Variants in SOX13 observed in about 807,000 individuals in gnomAD.
SOX13 encodes the protein transcription factor SOX-13.
Under a neutral mutation model 71.8 loss-of-function variants are expected in SOX13, and 28 were observed. That is an observed-to-expected ratio of 0.39 (90% CI 0.29 to 0.53). SOX13 has a LOEUF of 0.53. Ranked by LOEUF, SOX13 falls within the 20% of genes least tolerant of loss-of-function variation. The probability of loss-of-function intolerance (pLI) is 0.70; values close to 1 mark genes in which losing one functional copy is unlikely to be tolerated. For missense variants in SOX13, 627 were observed against 810.3 expected (o/e 0.77, Z 2.75); for synonymous variants, 309 against 317.8 (o/e 0.97, Z 0.29).
At chr1:204,098,665 C>A (rs774491863) in intron 1 of SOX13, among the ~76,000 whole-genome samples, 1 of 152,102 alleles carries the variant, frequency 6.6e-6, no homozygotes. Context: ...GGAATGAATG[C>A]GAAGCTAACA....
chr1:204,082,670 T>C lies in SOX13; in HGVS notation c.-2+8959T>C, dbSNP rs1269826453. On this transcript the variant is annotated intron_variant, in intron 1 of 13. Coordinates refer to ENST00000367204, the MANE Select transcript of SOX13 (RefSeq NM_005686.3). ...AAGACCCAATGGTGGGCTCCCTAAC[T>C]GGGGCTTGTGGGGCAGGGAGAGGAG... 2.0e-5 allele frequency among the ~76,000 whole-genome samples: 3 copies of C among 152,094 alleles called. No individual in the cohort carries two copies. The East Asian group carries it at 5.8e-4, about 29-fold the overall frequency.
Position 204,126,425 on chromosome 1 carries a change from G to A in SOX13, c.*291G>A. On this transcript the variant is annotated 3_prime_UTR_variant, in exon 14 of 14. Coordinates refer to ENST00000367204, the MANE Select transcript of SOX13 (RefSeq NM_005686.3). ...GGACACTGTATGACTCTCCTCTCCT[G>A]CAGGTGTCTATCCACCTGGGGTATG... 1 of 439,004 alleles carries A rather than the reference G, an allele frequency of 2.3e-6. No individual in the cohort carries two copies. The highest frequency in any genetic ancestry group is 4.0e-5 in the East Asian group (1 of 25,086). 27.2% of individuals were successfully genotyped at this position (439,004 alleles called of 1,614,324 possible).
chr1:204,085,851 G>C (rs1044228446), intron 1 of SOX13, among the ~76,000 whole-genome samples: 7 of 151,730 alleles, frequency 4.6e-5, no homozygotes, highest in Non-Finnish European at 1.0e-4. Flanking sequence ...GTGGTGCCGG[G>C]GGCCTGTAGT....
rs1656837731 is a variant in SOX13, at chr1:204,122,847, C to G, written c.1025-7C>G. On this transcript the variant is annotated splice_polypyrimidine_tract_variant and splice_region_variant and intron_variant, in intron 9 of 13. Coordinates refer to ENST00000367204, the MANE Select transcript of SOX13 (RefSeq NM_005686.3). ...TTCTCTTCCCTCTCTTCTGCCCTCT[C>G]CCACAGGCTTCCTTGGTGAAGGGGA... The G allele has an allele frequency of 3.3e-6, 5 of 1,536,770 alleles. No individual in the cohort carries two copies. The African/African-American group carries it at 6.9e-5, about 21-fold the overall frequency.
intron 1 of SOX13, among the ~76,000 whole-genome samples, chr1:204,076,010 C>A (rs1220666332): frequency 2.0e-5 from 3 of 152,174 alleles, no homozygotes; most frequent in Admixed American, 2.0e-4. Flanking sequence ...TGATTCCAGC[C>A]CCTCAGATCA....
At chr1:204,078,953 A>T (rs556222186) in intron 1 of SOX13, among the ~76,000 whole-genome samples, 1 of 152,208 alleles carries the variant, frequency 6.6e-6, no homozygotes, top group African/African-American at 2.4e-5. Context: ...GCTGTATGCC[A>T]TGGACCCAGC....
Position 204,127,427 on chromosome 1 carries a change from CAA to C in SOX13, c.*1295_*1296del, listed in dbSNP as rs1268992394. The C allele has an allele frequency of 2.0e-5, 3 of 148,284 alleles. No individual in the cohort carries two copies. The highest frequency in any genetic ancestry group is 7.4e-5 in the African/African-American group (3 of 40,626). The allele number at this position is 148,284 out of a possible 1,614,324, so 9.2% of individuals were successfully genotyped here. A position where few individuals can be genotyped will look rare whatever the true frequency, so the allele number is the denominator to read the frequency against. ...GGATCTCAGCCTCTGATCAGTTTCA[CAA>C]AGTTTGTTCCCTAAGGAAATCAAAT... is the stretch of plus-strand genomic sequence containing the variant. On this transcript the variant is annotated 3_prime_UTR_variant, in exon 14 of 14. Coordinates refer to ENST00000367204, the MANE Select transcript of SOX13 (RefSeq NM_005686.3).
chr1:204,082,860 G>A (rs974412046), intron 1 of SOX13, among the ~76,000 whole-genome samples: 12 of 152,302 alleles, frequency 7.9e-5, no homozygotes, highest in African/African-American at 2.6e-4. Context: ...GACTGCTCTC[G>A]GCCAGAGAAT....
chr1:204,117,644 C>G lies in SOX13; in HGVS notation c.712C>G (p.Pro238Ala). The part of the protein sequence containing the change: ...MIPAFPPSHQ[P>A]LPVTPDSQLA... ...CCCAGCCTTCCCCCCAAGCCACCAA[C>G]CTCTGCCTGTCACCCCTGACTCCCA... Residue 238 changes from proline to alanine, a missense_variant, in exon 7 of 14, where the codon CCT (proline) becomes GCT (alanine). Transcript: ENST00000367204. The G allele has an allele frequency of 6.2e-7, 1 of 1,613,858 alleles. No homozygotes were observed. Among genetic ancestry groups the G allele is most frequent in the Non-Finnish European group, 8.5e-7 (1 of 1,179,848 alleles).
At chr1:204,098,824 G>A (rs1180145415) in intron 1 of SOX13, among the ~76,000 whole-genome samples, 5 of 152,212 alleles carry the variant, frequency 3.3e-5, no homozygotes, top group African/African-American at 1.2e-4. Flanking sequence ...GATACCGTGG[G>A]TAGGACTCTG....
In SOX13 at chr1:204,104,264, C is replaced by T. The variant is rs544278717; in HGVS notation, c.-1-8651C>T. Among the ~76,000 whole-genome samples the T allele has an allele frequency of 2.6e-5, 4 of 152,330 alleles. No homozygotes were observed. The South Asian group carries it at 8.3e-4, about 32-fold the overall frequency. On this transcript the variant is annotated intron_variant, in intron 1 of 13. Coordinates refer to ENST00000367204, the MANE Select transcript of SOX13 (RefSeq NM_005686.3). ...GCCGAGGGAGTGTTGGCTGTGGCCC[C>T]CCTGAGCTGGGCTAGACCAGACCGG...
Position 204,125,986 on chromosome 1 carries a change from T to C in SOX13, c.1721T>C (p.Ile574Thr). 6.2e-7 allele frequency: 1 copy of C among 1,613,926 alleles called. No individual in the cohort carries two copies. Among genetic ancestry groups the C allele is most frequent in the African/African-American group, 1.3e-5 (1 of 75,060 alleles). Residue 574 changes from isoleucine (I) to threonine (T), a missense_variant, in exon 14 of 14, where the codon ATC (isoleucine) becomes ACC (threonine). Around this residue, in one of 3 missense-constraint regions of SOX13, gnomAD observed 148 missense variants for 192.7 expected, o/e 0.77. Coordinates refer to ENST00000367204, the MANE Select transcript of SOX13 (RefSeq NM_005686.3). ...AGCCTGGACCCCAACATGCCTGTGATCGTCAACACCTGCAGCCTCAGAGAG... is the reference window on the plus strand; with the variant it reads ...AGCCTGGACCCCAACATGCCTGTGACCGTCAACACCTGCAGCCTCAGAGAG... ...PRSLDPNMPV[I>T]VNTCSLREEG...
At chr1:204,112,501 G>GCACACACACACACACACA (rs6143576) in intron 1 of SOX13, among the ~76,000 whole-genome samples, 24 of 57,918 alleles carry the variant, frequency 4.1e-4, no homozygotes, top group African/African-American at 8.7e-4. Flanking sequence ...ACACATGCGT[G>GCACACACACACACACACA]CACACACACA....
At chr1:204,087,694 G>A (rs1656053628) in intron 1 of SOX13, among the ~76,000 whole-genome samples, 1 of 152,238 alleles carries the variant, frequency 6.6e-6, no homozygotes, top group African/African-American at 2.4e-5. Context: ...CTGGTTTGCT[G>A]GAAATAGAGT....
chr1:204,086,304 A>T (rs924698892), intron 1 of SOX13, among the ~76,000 whole-genome samples: 2 of 152,106 alleles, frequency 1.3e-5, no homozygotes, highest in African/African-American at 4.8e-5. Context: ...AACTTTTTAA[A>T]AAATTTTTTT....
intron 8 of SOX13, 37 bp downstream of exon 8, chr1:204,122,022 C>A (rs371253588): frequency 6.9e-7 from 1 of 1,455,020 alleles, no homozygotes; most frequent in Admixed American, 1.7e-5. Flanking sequence ...GGCTCCCTCT[C>A]GAGCTTATGA....
chr1:204,084,549 G>A (rs543275419), intron 1 of SOX13, among the ~76,000 whole-genome samples: 1 of 152,322 alleles, frequency 6.6e-6, no homozygotes, highest in East Asian at 1.9e-4. Flanking sequence ...GCTGGGCCTA[G>A]CTGCCAGGGC....
chr1:204,109,748 T>C (rs999466861), intron 1 of SOX13, among the ~76,000 whole-genome samples: 3 of 152,228 alleles, frequency 2.0e-5, no homozygotes, highest in African/African-American at 7.2e-5. Flanking sequence ...AAGTCCCTGA[T>C]ATAGAATGGC....
At position 204,115,657 on chromosome 1, in the gene SOX13, C is replaced by CTTTTT. The variant is rs771014997; in HGVS notation, c.419-829_419-825dup. 5.0e-3 allele frequency among the ~76,000 whole-genome samples: 285 copies of CTTTTT among 57,396 alleles called. 6 individuals are homozygous for CTTTTT. Among genetic ancestry groups the CTTTTT allele is most frequent in the Middle Eastern group, 0.017 (1 of 60 alleles). 37.7% of individuals were successfully genotyped at this position (57,396 alleles called of 152,430 possible). A position where few individuals can be genotyped will look rare whatever the true frequency, so the allele number is the denominator to read the frequency against. ...TTTGCATATATTAGCGCTTCTTCTT[C>CTTTTT]TTTTTTTTTTTTTTTTTTTTTTTTT... On this transcript the variant is annotated intron_variant, in intron 4 of 13. Transcript: ENST00000367204.
Sources: allele counts gnomAD v4.1 joint callset (sites outside exome capture counted in the v4.1 genomes callset), GRCh38; gene constraint gnomAD v4.1.1; regional missense constraint gnomAD v4.1.1; transcripts MANE v1.5; gene names NCBI Gene and HGNC (gene_info 2026-07-23, HGNC 2026-07-21).